CDH11: variants seen among roughly 807,000 people sequenced by gnomAD.
CDH11 encodes cadherin 11.
Under a neutral mutation model 67.8 loss-of-function variants are expected in CDH11, and 11 were observed. The ratio of observed to expected loss-of-function variants is 0.16; its 90% CI spans 0.10 to 0.27. The LOEUF (loss-of-function observed/expected upper bound fraction) is 0.27, where lower values mean the gene tolerates loss of function less well. Ranked by LOEUF, CDH11 falls within the 10% of genes least tolerant of loss-of-function variation. The pLI is 1.00. For missense variants in CDH11, 847 were observed against 1,031.2 expected, an observed-to-expected ratio of 0.82 and a Z score of 2.45; for synonymous variants, 419 against 400.0, an observed-to-expected ratio of 1.05 and a Z score of -0.57.
rs960971782 is a variant in CDH11 at position 64,945,103 on chromosome 16, C to T, written c.*2500G>A. On this transcript the variant is annotated 3_prime_UTR_variant, in exon 13 of 13. Coordinates refer to ENST00000268603, the MANE Select transcript of CDH11 (RefSeq NM_001797.4). Reference sequence around the variant, plus strand: ...CATTACTTGAGGAAAAGAACAGAAGCATGTTCCTTCTTTTAGCTGCATAGA... The same window carrying T: ...CATTACTTGAGGAAAAGAACAGAAGTATGTTCCTTCTTTTAGCTGCATAGA... 2 of 203,848 alleles carry T rather than the reference C, an allele frequency of 9.8e-6. No individual in the cohort carries two copies. The highest frequency in any genetic ancestry group is 7.6e-5 in the East Asian group (1 of 13,224). 12.6% of individuals were successfully genotyped at this position (203,848 alleles called of 1,614,324 possible). A position where few individuals can be genotyped will look rare whatever the true frequency, so the allele number is the denominator to read the frequency against.
intron 6 of CDH11, among the ~76,000 whole-genome samples, chr16:64,988,958 T>C (rs139250502): frequency 0.033 from 4,992 of 152,250 alleles, 119 homozygotes; most frequent in Non-Finnish European, 0.053. Context: ...CCTATATATT[T>C]ATTTAATGTT....
intron 12 of CDH11, among the ~76,000 whole-genome samples, chr16:64,949,809 A>G (rs1464891384): frequency 6.6e-6 from 1 of 152,098 alleles, no homozygotes; most frequent in Middle Eastern, 3.2e-3. Context: ...CTCTTCATGC[A>G]TACTTTCCTT....
At chr16:65,087,440 A>G (rs1210883786) in intron 1 of CDH11, among the ~76,000 whole-genome samples, 1 of 152,220 alleles carries the variant, frequency 6.6e-6, no homozygotes, top group African/African-American at 2.4e-5. Context: ...GAAGGTATCA[A>G]GCAATAAGTA....
chr16:65,093,187 C>G (rs2074823484), intron 1 of CDH11, among the ~76,000 whole-genome samples: 1 of 149,224 alleles, frequency 6.7e-6, no homozygotes, highest in Non-Finnish European at 1.5e-5. Context: ...ACCTGCCTGC[C>G]TTGGCCTCCC....
Position 65,045,037 on chromosome 16 carries a change from C to A in CDH11, c.-173+8767G>T, listed in dbSNP as rs552938505. 5.3e-5 allele frequency among the ~76,000 whole-genome samples: 8 copies of A among 151,878 alleles called. No individual in the cohort carries two copies. In the East Asian group the frequency reaches 1.6e-3, roughly 30 times the overall value. On this transcript the variant is annotated intron_variant, in intron 2 of 12. Transcript: ENST00000268603. The stretch of plus-strand genomic sequence containing the variant: ...TGTGTGGGGGCTGGCACGGCAGGGA[C>A]GTGTGCTCCGGCTGAAACCACTAGC...
At chr16:64,957,338 G>T (rs1474466670) in intron 11 of CDH11, among the ~76,000 whole-genome samples, 1 of 152,054 alleles carries the variant, frequency 6.6e-6, no homozygotes, top group African/African-American at 2.4e-5. Context: ...GAGAATGTAG[G>T]CCAAGACTTG....
intron 2 of CDH11, among the ~76,000 whole-genome samples, chr16:65,028,118 C>A (rs578177578): frequency 9.2e-5 from 14 of 152,340 alleles, no homozygotes; most frequent in African/African-American, 2.6e-4. Flanking sequence ...CCTCATCCCT[C>A]TTCTGTGGCG....
chr16:64,992,603 G>A (rs1053511681), intron 5 of CDH11, among the ~76,000 whole-genome samples: 4 of 152,230 alleles, frequency 2.6e-5, no homozygotes, highest in Non-Finnish European at 5.9e-5. Context: ...ACAGTTATGT[G>A]AGGAATATAG....
chr16:65,040,358 T>C (rs941189366), intron 2 of CDH11, among the ~76,000 whole-genome samples: 2 of 152,218 alleles, frequency 1.3e-5, no homozygotes, highest in African/African-American at 4.8e-5. Flanking sequence ...ATATACACCA[T>C]GGAATACTAT....
intron 2 of CDH11, among the ~76,000 whole-genome samples, chr16:65,036,219 T>C (rs773040668): frequency 1.3e-4 from 20 of 152,116 alleles, no homozygotes; most frequent in Non-Finnish European, 2.6e-4. Flanking sequence ...ATCTTAGAGG[T>C]TTCATTTTAA....
chr16:65,013,156 C>T (rs2142553448), intron 2 of CDH11, among the ~76,000 whole-genome samples: 1 of 152,210 alleles, frequency 6.6e-6, no homozygotes, highest in East Asian at 1.9e-4. Context: ...GGTCTAGGTC[C>T]TAGCTGGCAG....
intron 2 of CDH11, among the ~76,000 whole-genome samples, chr16:65,017,680 G>A (rs2073338558): frequency 6.6e-6 from 1 of 152,112 alleles, no homozygotes; most frequent in South Asian, 2.1e-4. Context: ...AAGTTAATAT[G>A]GAGTAGTCAG....
chr16:65,036,327 A>G (rs931223774), intron 2 of CDH11, among the ~76,000 whole-genome samples: 1 of 151,952 alleles, frequency 6.6e-6, no homozygotes, highest in Non-Finnish European at 1.5e-5. Flanking sequence ...GACTCTCCCT[A>G]TGGCTTTATT....
chr16:65,095,276 A>T (rs1411204274), intron 1 of CDH11, among the ~76,000 whole-genome samples: 1 of 152,154 alleles, frequency 6.6e-6, no homozygotes, highest in Non-Finnish European at 1.5e-5. Context: ...TTAGAGCTGG[A>T]TAGGTGGGTA....
At chr16:65,065,211 T>C (rs1206382270) in intron 1 of CDH11, among the ~76,000 whole-genome samples, 1 of 152,078 alleles carries the variant, frequency 6.6e-6, no homozygotes, top group Non-Finnish European at 1.5e-5. Flanking sequence ...ACAAAGAAAC[T>C]AGGTTGAAGA....
chr16:64,946,122 C>T lies in CDH11; in HGVS notation c.*1481G>A, dbSNP rs770226686. 4 of 1,055,584 alleles carry T rather than the reference C, an allele frequency of 3.8e-6. No individual in the cohort carries two copies. Among genetic ancestry groups the T allele is most frequent in the East Asian group, 5.3e-5 (1 of 18,934 alleles). The allele number at this position is 1,055,584 out of a possible 1,614,324, so 65.4% of individuals were successfully genotyped here. A position where few individuals can be genotyped will look rare whatever the true frequency, so the allele number is the denominator to read the frequency against. On this transcript the variant is annotated 3_prime_UTR_variant, in exon 13 of 13. Coordinates refer to ENST00000268603, the MANE Select transcript of CDH11 (RefSeq NM_001797.4). ...GGTCCCTGCCCTCATTCTGAGCTTA[C>T]GGCCCCAAGCATATTCTAAACAAAG... is the stretch of plus-strand genomic sequence containing the variant.
intron 7 of CDH11, chr16:64,984,609 C>T (rs770165664): frequency 4.6e-5 from 7 of 152,226 alleles, no homozygotes; most frequent in Non-Finnish European, 7.4e-5. Context: ...AAAACCAAAA[C>T]AAACAATATT....
At chr16:64,950,616 A>ACCCCC in intron 12 of CDH11, 151 bp downstream of exon 12, 3 of 122,624 alleles carry the variant, frequency 2.4e-5, no homozygotes, top group Admixed American at 1.8e-4. Context: ...CACAACGCCC[A>ACCCCC]CCCCGCCCCC....
chr16:64,982,490 C>T, intron 7 of CDH11, 189 bp from the exon 8 acceptor site: 2 of 586,102 alleles, frequency 3.4e-6, no homozygotes, highest in Non-Finnish European at 6.0e-6. Context: ...CTAGAATGTG[C>T]TTAATGGGTC....
Sources: allele counts gnomAD v4.1 joint callset (sites outside exome capture counted in the v4.1 genomes callset), GRCh38; gene constraint gnomAD v4.1.1; transcripts MANE v1.5; gene names NCBI Gene and HGNC (gene_info 2026-07-23, HGNC 2026-07-21).